MGAT4C: variants seen among roughly 807,000 people sequenced by gnomAD.
MGAT4C encodes the protein alpha-1,3-mannosyl-glycoprotein 4-beta-N-acetylglucosaminyltransferase C.
Under a neutral mutation model 40.1 loss-of-function variants are expected in MGAT4C, and 19 were observed. That is an observed-to-expected ratio of 0.47 (90% CI 0.33 to 0.70). The LOEUF (loss-of-function observed/expected upper bound fraction) is 0.70. Ranked by LOEUF, MGAT4C falls within the 30% of genes least tolerant of loss-of-function variation. The pLI, the probability that MGAT4C is intolerant of heterozygous loss-of-function variation, is 0.02. For missense variants in MGAT4C, 491 were observed against 563.2 expected, an observed-to-expected ratio of 0.87 and a Z score of 1.30; for synonymous variants, 181 against 187.1, an observed-to-expected ratio of 0.97 and a Z score of 0.27.
intron 1 of MGAT4C, among the ~76,000 whole-genome samples, chr12:86,254,767 G>A (rs977963145): frequency 1.3e-5 from 2 of 151,996 alleles, no homozygotes; most frequent in East Asian, 3.9e-4. Flanking sequence ...GAAGCTTTTT[G>A]AGGTTTTGTT....
intron 2 of MGAT4C, among the ~76,000 whole-genome samples, chr12:86,592,958 T>C (rs1361148433): frequency 6.6e-6 from 1 of 152,188 alleles, no homozygotes. Context: ...AAGTAATCAG[T>C]AGTATCAAGA....
intron 2 of MGAT4C, among the ~76,000 whole-genome samples, chr12:86,029,482 T>C (rs1890542366): frequency 6.6e-6 from 1 of 151,964 alleles, no homozygotes; most frequent in Non-Finnish European, 1.5e-5. Flanking sequence ...CTTTTTACAG[T>C]ATGAGAATGA....
At chr12:86,264,523 G>A (rs1241696288) in intron 4 of MGAT4C, among the ~76,000 whole-genome samples, 1 of 152,132 alleles carries the variant, frequency 6.6e-6, no homozygotes. Flanking sequence ...GCAAGGAACA[G>A]GTGGAAGTCC....
At chr12:86,432,082 A>G (rs1221433311) in intron 3 of MGAT4C, among the ~76,000 whole-genome samples, 2 of 152,118 alleles carry the variant, frequency 1.3e-5, no homozygotes, top group African/African-American at 2.4e-5. Context: ...CAAAGTTAGG[A>G]GAGTGTTAAG....
At chr12:86,469,424 C>A (rs1957727058) in intron 2 of MGAT4C, among the ~76,000 whole-genome samples, 1 of 152,098 alleles carries the variant, frequency 6.6e-6, no homozygotes, top group African/African-American at 2.4e-5. Context: ...TGTCTGATTC[C>A]TTTCTCTCAT....
intron 4 of MGAT4C, among the ~76,000 whole-genome samples, chr12:86,300,161 A>AT (rs1486619144): frequency 4.6e-5 from 7 of 152,146 alleles, no homozygotes; most frequent in African/African-American, 1.7e-4. Context: ...GTGAAATGGC[A>AT]TTTTATTCTC....
chr12:85,995,670 C>G (rs1359182034), intron 2 of MGAT4C, among the ~76,000 whole-genome samples: 1 of 152,070 alleles, frequency 6.6e-6, no homozygotes, highest in Non-Finnish European at 1.5e-5. Context: ...GACATTGAGA[C>G]CACCCTGGGC....
intron 1 of MGAT4C, among the ~76,000 whole-genome samples, chr12:86,086,831 T>C (rs1017674457): frequency 6.6e-6 from 1 of 152,082 alleles, no homozygotes; most frequent in African/African-American, 2.4e-5. Context: ...TCCCATTACA[T>C]TTCCAAGTTT....
rs1883188242 is a variant in MGAT4C at position 85,962,954 on chromosome 12, A to G, written c.*16335T>C. The G allele has an allele frequency of 6.6e-6, 1 of 151,728 alleles. No individual in the cohort carries two copies. The highest frequency in any genetic ancestry group is 1.5e-5 in the Non-Finnish European group (1 of 67,756). The allele number at this position is 151,728 out of a possible 1,614,324, so 9.4% of individuals were successfully genotyped here. A position where few individuals can be genotyped will look rare whatever the true frequency, so the allele number is the denominator to read the frequency against. ...CTTTTCTTACCTACTTGCAAAAAAA[A>G]TTACATAAACAAGTATTTCCTAGAG... On this transcript the variant is annotated 3_prime_UTR_variant, in exon 5 of 5. Transcript: ENST00000611864.
intron 3 of MGAT4C, among the ~76,000 whole-genome samples, chr12:86,401,699 A>G (rs975062876): frequency 1.3e-5 from 2 of 152,222 alleles, no homozygotes; most frequent in Admixed American, 1.3e-4. Context: ...TCTAGCTTCC[A>G]GCACATTATA....
intron 2 of MGAT4C, among the ~76,000 whole-genome samples, chr12:86,469,114 C>T (rs1468294564): frequency 6.6e-6 from 1 of 151,974 alleles, no homozygotes; most frequent in Non-Finnish European, 1.5e-5. Flanking sequence ...ACGATACTTA[C>T]CAAAAAGTAT....
intron 2 of MGAT4C, among the ~76,000 whole-genome samples, chr12:86,604,656 A>C (rs529163701): frequency 6.6e-6 from 1 of 152,314 alleles, no homozygotes; most frequent in East Asian, 1.9e-4. Flanking sequence ...TTTAGTCCGT[A>C]TTCTTTAGAG....
chr12:86,763,186 A>C (rs1467386855), intron 1 of MGAT4C, among the ~76,000 whole-genome samples: 3 of 152,202 alleles, frequency 2.0e-5, no homozygotes, highest in African/African-American at 7.2e-5. Flanking sequence ...CTCAAAACAA[A>C]TTGTATGTAA....
chr12:86,562,815 G>A (rs1045540772), intron 2 of MGAT4C, among the ~76,000 whole-genome samples: 2 of 152,170 alleles, frequency 1.3e-5, no homozygotes, highest in African/African-American at 4.8e-5. Context: ...ATGGTAGAAA[G>A]AACATAAAGT....
intron 1 of MGAT4C, among the ~76,000 whole-genome samples, chr12:86,174,193 T>C (rs1887161351): frequency 6.6e-6 from 1 of 151,766 alleles, no homozygotes. Context: ...ATCTTCATTT[T>C]TGATATTTCT....
intron 2 of MGAT4C, among the ~76,000 whole-genome samples, chr12:86,650,645 T>C (rs138993397): frequency 6.6e-6 from 1 of 152,034 alleles, no homozygotes; most frequent in African/African-American, 2.4e-5. Context: ...TCTGTATTAC[T>C]ATATATTATC....
chr12:86,135,597 G>T (rs1191598895), intron 1 of MGAT4C, among the ~76,000 whole-genome samples: 1 of 152,110 alleles, frequency 6.6e-6, no homozygotes. Flanking sequence ...AACTATACCT[G>T]CCTTCTGGAT....
intron 2 of MGAT4C, among the ~76,000 whole-genome samples, chr12:86,668,086 A>G (rs1964160147): frequency 6.6e-6 from 1 of 152,246 alleles, no homozygotes; most frequent in Non-Finnish European, 1.5e-5. Context: ...TGTGCATAAT[A>G]TTACTTCTAT....
chr12:86,309,216 C>G (rs187399281), intron 4 of MGAT4C, among the ~76,000 whole-genome samples: 3 of 141,622 alleles, frequency 2.1e-5, no homozygotes, highest in Admixed American at 2.0e-4. Context: ...TGTTGTGGAT[C>G]TTCTGATAAA....
Sources: gnomAD v4.1 joint callset for allele counts (sites outside exome capture counted in the v4.1 genomes callset) on GRCh38, gnomAD v4.1.1 for gene constraint, MANE v1.5 for transcripts, NCBI Gene and HGNC (gene_info 2026-07-23, HGNC 2026-07-21) for gene names.